Variants in PLXNA4 observed in about 807,000 individuals in gnomAD.
PLXNA4 encodes the protein plexin-A4.
A neutral mutation model predicts 191.8 loss-of-function variants in PLXNA4; 44 were observed. The ratio of observed to expected loss-of-function variants is 0.23; its 90% confidence interval spans 0.18 to 0.29. The LOEUF (loss-of-function observed/expected upper bound fraction) is 0.29. PLXNA4 is among the 10% of genes least tolerant of loss of function. The pLI, the probability that PLXNA4 is intolerant of heterozygous loss-of-function variation, is 1.00. For synonymous variants in PLXNA4, 1,082 were observed against 1,009.5 expected (o/e 1.07, Z -1.36); for missense variants, 1,800 against 2,488.8 (o/e 0.72, Z 5.89).
At chr7:132,514,191 A>T (rs1287716110) in intron 1 of PLXNA4, among the ~76,000 whole-genome samples, 1 of 151,762 alleles carries the variant, frequency 6.6e-6, no homozygotes, top group Non-Finnish European at 1.5e-5. Flanking sequence ...AGCTAGGACT[A>T]CAGGCGCCCG....
chr7:132,597,698 T>C (rs1802739322), intron 2 of PLXNA4, among the ~76,000 whole-genome samples: 1 of 152,196 alleles, frequency 6.6e-6, no homozygotes, highest in Non-Finnish European at 1.5e-5. Context: ...GAGGGTCTTT[T>C]GTTTGTATGC....
intron 4 of PLXNA4, among the ~76,000 whole-genome samples, chr7:132,288,396 G>C (rs1800761292): frequency 6.6e-6 from 1 of 152,240 alleles, no homozygotes; most frequent in Non-Finnish European, 1.5e-5. Context: ...GAAGTGGGAA[G>C]TGGGAATATC....
chr7:132,389,983 T>G (rs139251060), intron 3 of PLXNA4, among the ~76,000 whole-genome samples: 1,806 of 152,278 alleles, frequency 0.012, 40 homozygotes, highest in African/African-American at 0.041. Context: ...TGTAAATTAG[T>G]TCAACCATTG....
chr7:132,429,855 C>G (rs563530210), intron 3 of PLXNA4, among the ~76,000 whole-genome samples: 2 of 152,292 alleles, frequency 1.3e-5, no homozygotes, highest in South Asian at 2.1e-4. Flanking sequence ...CAGGCTATTA[C>G]CAACTATGCA....
At chr7:132,332,619 C>T (rs551291801) in intron 3 of PLXNA4, among the ~76,000 whole-genome samples, 20 of 151,592 alleles carry the variant, frequency 1.3e-4, no homozygotes, top group South Asian at 8.4e-4. Flanking sequence ...GAGGCCAAGG[C>T]GGGAGGACTG....
At chr7:132,495,335 C>T (rs1489485619) in intron 2 of PLXNA4, among the ~76,000 whole-genome samples, 1 of 152,220 alleles carries the variant, frequency 6.6e-6, no homozygotes, top group African/African-American at 2.4e-5. Flanking sequence ...AGGTCCATCC[C>T]CCTGTGGGCC....
Position 132,147,997 on chromosome 7 carries a change from C to T in PLXNA4, c.4767G>A (p.Val1589=). The change falls in exon 27 of 32, where the codon GTG becomes GTA. Residue 1589 remains valine, a splice_region_variant and synonymous_variant. Transcript: ENST00000321063. ...KRLNTLAHYQ[V]PDGSVVALVS... is the part of the protein sequence containing the mutation. ...CTAATGCCACCACGGAACCATCTGG[C>T]ACCTACAGGGAAAAAGCTTCTCAGG... The T allele has an allele frequency of 6.2e-7, 1 of 1,614,142 alleles. No individual in the cohort carries two copies. Among genetic ancestry groups the T allele is most frequent in the Non-Finnish European group, 8.5e-7 (1 of 1,180,018 alleles).
chr7:132,341,177 T>C (rs10231544), intron 3 of PLXNA4, among the ~76,000 whole-genome samples: 62,059 of 152,006 alleles, frequency 0.41, 13,905 homozygotes, highest in African/African-American at 0.6. Context: ...CTGAGGATAA[T>C]TGGGCATTTA....
chr7:132,582,167 A>G (rs770728192), upstream of PLXNA4, among the ~76,000 whole-genome samples: 30 of 152,204 alleles, frequency 2.0e-4, no homozygotes, highest in Non-Finnish European at 3.8e-4. Context: ...CCCACATGGC[A>G]CCTCTCTCTT....
intron 13 of PLXNA4, among the ~76,000 whole-genome samples, chr7:132,198,051 A>G (rs1271989447): frequency 1.3e-5 from 2 of 152,112 alleles, no homozygotes; most frequent in Non-Finnish European, 2.9e-5. Flanking sequence ...AAATAATCTA[A>G]GGCACCCACA....
intron 12 of PLXNA4, among the ~76,000 whole-genome samples, chr7:132,201,934 G>A (rs1797449918): frequency 6.6e-6 from 1 of 152,182 alleles, no homozygotes; most frequent in South Asian, 2.1e-4. Flanking sequence ...AGGTGCGTGT[G>A]AAATCCTTCC....
intron 3 of PLXNA4, among the ~76,000 whole-genome samples, chr7:132,476,479 A>T (rs772303827): frequency 1.1e-4 from 16 of 152,322 alleles, no homozygotes; most frequent in South Asian, 8.3e-4. Context: ...AGCTTCCTCC[A>T]CTCAGGATTC....
intron 3 of PLXNA4, among the ~76,000 whole-genome samples, chr7:132,460,138 G>A (rs1796453121): frequency 6.6e-6 from 1 of 152,140 alleles, no homozygotes; most frequent in South Asian, 2.1e-4. Context: ...GGGATCGCTT[G>A]AGCCCAGGAG....
chr7:132,515,151 A>T (rs2116318516), intron 1 of PLXNA4, among the ~76,000 whole-genome samples: 1 of 152,304 alleles, frequency 6.6e-6, no homozygotes, highest in Non-Finnish European at 1.5e-5. Context: ...CTTCCACCAG[A>T]TGTAACCTTG....
chr7:132,566,960 C>A (rs1354159009), intron 1 of PLXNA4, among the ~76,000 whole-genome samples: 1 of 152,104 alleles, frequency 6.6e-6, no homozygotes, highest in Non-Finnish European at 1.5e-5. Flanking sequence ...GTTTTTTCAC[C>A]TCTGAAGTAA....
At chr7:132,286,984 C>G (rs1412724301) in intron 4 of PLXNA4, among the ~76,000 whole-genome samples, 1 of 152,176 alleles carries the variant, frequency 6.6e-6, no homozygotes, top group East Asian at 1.9e-4. Context: ...CTCAACTGGC[C>G]TTTAGCCACC....
At chr7:132,271,431 G>GAAAAA (rs5887561) in intron 4 of PLXNA4, among the ~76,000 whole-genome samples, 1 of 128,500 alleles carries the variant, frequency 7.8e-6, no homozygotes, top group East Asian at 2.3e-4. Context: ...AGTCACTTAG[G>GAAAAA]AAAAAAAAAA....
At chr7:132,559,313 C>T (rs1011062964) in intron 1 of PLXNA4, among the ~76,000 whole-genome samples, 1 of 152,096 alleles carries the variant, frequency 6.6e-6, no homozygotes, top group African/African-American at 2.4e-5. Flanking sequence ...TTACCCTGCC[C>T]CCTGTTTCTC....
intron 31 of PLXNA4, among the ~76,000 whole-genome samples, chr7:132,132,049 C>T (rs1232282708): frequency 6.6e-6 from 1 of 152,250 alleles, no homozygotes; most frequent in African/African-American, 2.4e-5. Flanking sequence ...GAGAAGGTGG[C>T]TATGCTGCTG....
Sources: gnomAD v4.1 joint callset for allele counts (sites outside exome capture counted in the v4.1 genomes callset) on GRCh38, gnomAD v4.1.1 for gene constraint, MANE v1.5 for transcripts, NCBI Gene and HGNC (gene_info 2026-07-23, HGNC 2026-07-21) for gene names.